The following NCKAP5 variants were observed in gnomAD, a reference collection of about 807,000 sequenced individuals.
NCKAP5 encodes the protein NCK associated protein 5, also known as nck-associated protein 5.
A neutral mutation model predicts 167.0 loss-of-function variants in NCKAP5; 92 were observed. That is an observed-to-expected ratio of 0.55 (90% CI 0.47 to 0.66). NCKAP5 has a LOEUF of 0.66. NCKAP5 is among the 30% of genes least tolerant of loss of function. The pLI, the probability that NCKAP5 is intolerant of heterozygous loss-of-function variation, is 0.00. For missense variants in NCKAP5, 2,378 were observed against 2,315.0 expected, an observed-to-expected ratio of 1.03 and a Z score of -0.56; for synonymous variants, 891 against 877.4, an observed-to-expected ratio of 1.02 and a Z score of -0.27.
In NCKAP5 at chr2:132,782,459, T is replaced by G. The variant is rs776182503; in HGVS notation, c.4352A>C (p.His1451Pro). 4.3e-6 allele frequency: 7 copies of G among 1,613,354 alleles called. No homozygotes were observed. In the African/African-American group the frequency reaches 9.4e-5, roughly 22 times the overall value. ...AGTCGCGGTTGCAGAGGCATCTGGA[T>G]GCCTTCCAGAAGTTTCTAGCTTGGA... Reference protein sequence around the residue: ...STSKLETSGRHPDASATATDA... With the variant: ...STSKLETSGRPPDASATATDA... Residue 1451 changes from histidine (H) to proline (P), a missense_variant, in exon 14 of 20, where the codon CAT becomes CCT. His to Pro is a moderately conservative substitution (Grantham distance 77). Around this residue, in one of 3 missense-constraint regions of NCKAP5, gnomAD observed 1,325 missense variants for 1,274.5 expected, o/e 1.04. Coordinates refer to ENST00000409261, the MANE Select transcript of NCKAP5 (RefSeq NM_207363.3).
intron 5 of NCKAP5, among the ~76,000 whole-genome samples, chr2:133,205,334 A>C (rs1206732634): frequency 1.0e-5 from 1 of 96,164 alleles, no homozygotes; most frequent in Non-Finnish European, 2.4e-5. Flanking sequence ...CAGATAGATA[A>C]AGATAGATAG....
intron 5 of NCKAP5, among the ~76,000 whole-genome samples, chr2:133,177,213 T>C (rs1183442295): frequency 6.7e-6 from 1 of 149,172 alleles, no homozygotes; most frequent in Admixed American, 6.7e-5. Context: ...GTAAAATGCA[T>C]GTTTTCCATC....
the NCKAP5 span, among the ~76,000 whole-genome samples, chr2:133,660,260 T>G: frequency 6.6e-6 from 1 of 152,242 alleles, no homozygotes; most frequent in Non-Finnish European, 1.5e-5. Context: ...GATTCTGACT[T>G]TCCTGTGGTC....
chr2:133,585,568 A>C, the NCKAP5 span, among the ~76,000 whole-genome samples: 2 of 152,248 alleles, frequency 1.3e-5, no homozygotes, highest in Non-Finnish European at 2.9e-5. Flanking sequence ...TCATTTTGTC[A>C]TGGATTATAC....
chr2:133,530,569 T>C (rs931779563), intron 2 of NCKAP5, among the ~76,000 whole-genome samples: 24 of 152,214 alleles, frequency 1.6e-4, no homozygotes, highest in African/African-American at 5.8e-4. Flanking sequence ...AAATGGGTAG[T>C]AGATTGTTTA....
intron 3 of NCKAP5, among the ~76,000 whole-genome samples, chr2:133,496,651 C>G (rs2151374359): frequency 6.6e-6 from 1 of 152,286 alleles, no homozygotes; most frequent in South Asian, 2.1e-4. Context: ...TGGCCTCACT[C>G]AGATCTGCTG....
At chr2:132,886,036 GCTGTAC>G (rs1692190217) in intron 8 of NCKAP5, among the ~76,000 whole-genome samples, 1 of 152,106 alleles carries the variant, frequency 6.6e-6, no homozygotes, top group Admixed American at 6.5e-5. Context: ...TCCTTCCTGG[GCTGTAC>G]CTTTGGTTTT....
At chr2:133,501,826 C>G (rs1682544790) in intron 3 of NCKAP5, among the ~76,000 whole-genome samples, 1 of 152,210 alleles carries the variant, frequency 6.6e-6, no homozygotes, top group Non-Finnish European at 1.5e-5. Context: ...AAACCTTACT[C>G]TATTCAATTT....
intron 5 of NCKAP5, among the ~76,000 whole-genome samples, chr2:133,152,292 CCA>C (rs1340130825): frequency 6.6e-6 from 1 of 152,140 alleles, no homozygotes; most frequent in Non-Finnish European, 1.5e-5. Context: ...CTTTACTTTG[CCA>C]CAGTTTTCCC....
chr2:132,996,823 G>A (rs1267136968), intron 6 of NCKAP5, among the ~76,000 whole-genome samples: 2 of 152,216 alleles, frequency 1.3e-5, no homozygotes, highest in African/African-American at 2.4e-5. Context: ...TGTATGTTCA[G>A]ACTGTGTCTG....
At position 133,180,467 on chromosome 2, in the gene NCKAP5, G is replaced by C. The variant is rs1315186208; in HGVS notation, c.207+33249C>G. ...CCTCCCCACTGCAGTCTCCGTAGTA[G>C]CTGGAGACTACAGGAACACACCACC... On this transcript the variant is annotated intron_variant, in intron 5 of 19. Coordinates refer to ENST00000409261, the MANE Select transcript of NCKAP5 (RefSeq NM_207363.3). Among the ~76,000 whole-genome samples the C allele has an allele frequency of 2.6e-5, 4 of 151,962 alleles. No homozygotes were observed. In the East Asian group the frequency reaches 7.7e-4, roughly 29 times the overall value.
chr2:133,226,035 A>G (rs1222368622), intron 4 of NCKAP5, among the ~76,000 whole-genome samples: 2 of 151,836 alleles, frequency 1.3e-5, no homozygotes, highest in African/African-American at 4.8e-5. Context: ...ACAAGCCTCC[A>G]AAAGTGCCCC....
chr2:132,887,656 A>G (rs1166183349), intron 8 of NCKAP5, among the ~76,000 whole-genome samples: 4 of 151,936 alleles, frequency 2.6e-5, no homozygotes, highest in African/African-American at 4.8e-5. Flanking sequence ...TTACACTCCC[A>G]TTGGCCAAAT....
In NCKAP5 at chr2:133,331,842, C is replaced by T. The variant is rs114985907; in HGVS notation, c.70-28732G>A. On this transcript the variant is annotated intron_variant, in intron 3 of 19. Transcript: ENST00000409261. ...TGACAAATAATGACTGCAAAGATAG[C>T]ATCTTGCCTTTATCTTCCTGGTCCT... Among the ~76,000 whole-genome samples the T allele has an allele frequency of 9.1e-3, 1,390 of 152,320 alleles. 17 individuals are homozygous for T. Among genetic ancestry groups the T allele is most frequent in the African/African-American group, 0.031 (1,305 of 41,572 alleles).
At chr2:132,777,027 G>A (rs1226142784) in intron 15 of NCKAP5, among the ~76,000 whole-genome samples, 1 of 152,170 alleles carries the variant, frequency 6.6e-6, no homozygotes, top group Non-Finnish European at 1.5e-5. Flanking sequence ...AGTCACTGTT[G>A]CCATCCCAGG....
Position 133,275,437 on chromosome 2 carries a change from C to T in NCKAP5, c.143+27600G>A, listed in dbSNP as rs1021908321. 4.6e-5 allele frequency among the ~76,000 whole-genome samples: 7 copies of T among 152,114 alleles called. No individual in the cohort carries two copies. The East Asian group carries it at 7.7e-4, about 17-fold the overall frequency. ...CCACACATGGAACTCGCACGAAATC[C>T]ATTATATTAAATCTCAAACTTCAGT... On this transcript the variant is annotated intron_variant, in intron 4 of 19. Coordinates refer to ENST00000409261, the MANE Select transcript of NCKAP5 (RefSeq NM_207363.3).
At position 132,987,413 on chromosome 2, in the gene NCKAP5, T is replaced by C. The variant is rs576123603; in HGVS notation, c.429+6739A>G. 1.4e-4 allele frequency among the ~76,000 whole-genome samples: 22 copies of C among 152,334 alleles called. No homozygotes were observed. The South Asian group carries it at 2.5e-3, about 17-fold the overall frequency. On this transcript the variant is annotated intron_variant, in intron 7 of 19. Coordinates refer to ENST00000409261, the MANE Select transcript of NCKAP5 (RefSeq NM_207363.3). ...TAAAAGGAACTGGATATATATTTCA[T>C]GATTGATAAACTTAGGGATAACTGG... is the stretch of plus-strand genomic sequence containing the variant.
intron 5 of NCKAP5, among the ~76,000 whole-genome samples, chr2:133,194,402 C>G (rs1300449617): frequency 6.6e-6 from 1 of 151,976 alleles, no homozygotes; most frequent in African/African-American, 2.4e-5. Context: ...ACGGTAGGAA[C>G]AATACTTAGC....
At chr2:133,052,643 G>A (rs572415811) in intron 6 of NCKAP5, among the ~76,000 whole-genome samples, 76 of 151,800 alleles carry the variant, frequency 5.0e-4, no homozygotes, top group Admixed American at 4.7e-3. Flanking sequence ...GCTTGAACCC[G>A]GGAGGCAGAG....
Sources: allele counts gnomAD v4.1 joint callset (sites outside exome capture counted in the v4.1 genomes callset), GRCh38; gene constraint gnomAD v4.1.1; regional missense constraint gnomAD v4.1.1; transcripts MANE v1.5; gene names NCBI Gene and HGNC (gene_info 2026-07-23, HGNC 2026-07-21).